LY96: variants seen among roughly 807,000 people sequenced by gnomAD.
The protein encoded by LY96 is myeloid differentiation protein-2.
LY96 carries 18 observed loss-of-function variants against 18.9 expected under a neutral mutation model. That is an observed-to-expected ratio of 0.95 (90% CI 0.66 to 1.41). The LOEUF is 1.41. Ranked by LOEUF, LY96 falls within the 40% of genes most tolerant of loss-of-function variation. The pLI is 0.00. For synonymous variants in LY96, 66 were observed against 62.6 expected, an observed-to-expected ratio of 1.06 and a Z score of -0.26; for missense variants, 175 against 182.4, an observed-to-expected ratio of 0.96 and a Z score of 0.23.
chr8:74,022,338 C>T (rs1816782390), intron 3 of LY96, among the ~76,000 whole-genome samples: 1 of 151,618 alleles, frequency 6.6e-6, no homozygotes, highest in Non-Finnish European at 1.5e-5. Context: ...TGAATGAAGG[C>T]AGAGGTTGCG....
the LY96 span, among the ~76,000 whole-genome samples, chr8:74,048,993 G>A: frequency 6.6e-6 from 1 of 152,218 alleles, no homozygotes; most frequent in Non-Finnish European, 1.5e-5. Context: ...CTTGTGCGTA[G>A]CTGTGTACCT....
chr8:74,081,919 A>G, the LY96 span, among the ~76,000 whole-genome samples: 1,167 of 152,224 alleles, frequency 7.7e-3, 17 homozygotes, highest in African/African-American at 0.027. Flanking sequence ...TACAGGCGTG[A>G]GCCACCGTGC....
the LY96 span, among the ~76,000 whole-genome samples, chr8:74,036,574 A>AT: frequency 6.6e-6 from 1 of 152,232 alleles, no homozygotes; most frequent in South Asian, 2.1e-4. Context: ...CATGAGAATT[A>AT]TTTTTTACAC....
At chr8:74,049,576 A>G in the LY96 span, among the ~76,000 whole-genome samples, 2 of 152,204 alleles carry the variant, frequency 1.3e-5, no homozygotes, top group East Asian at 3.8e-4. Flanking sequence ...GCAAAAAGAA[A>G]AAAGCAAACA....
intron 1 of LY96, among the ~76,000 whole-genome samples, chr8:73,992,957 C>T (rs183403751): frequency 2.0e-4 from 30 of 151,670 alleles, no homozygotes; most frequent in African/African-American, 6.5e-4. Context: ...CAAGTTCAAA[C>T]GATTCCCATG....
At chr8:74,053,604 A>G in the LY96 span, among the ~76,000 whole-genome samples, 1 of 151,582 alleles carries the variant, frequency 6.6e-6, no homozygotes, top group Non-Finnish European at 1.5e-5. Context: ...CTCTATCTTT[A>G]CTCTCATTGC....
rs1373022150 is a variant in LY96 at position 74,001,992 on chromosome 8, CTCCTTTCT to C, written c.113-2790_113-2783del. Among the ~76,000 whole-genome samples, 23 of 77,062 alleles carry C rather than the reference CTCCTTTCT, an allele frequency of 3.0e-4. 1 individual carries two copies. Among genetic ancestry groups the C allele is most frequent in the African/African-American group, 5.1e-4 (11 of 21,388 alleles). 50.6% of individuals were successfully genotyped at this position (77,062 alleles called of 152,430 possible). On this transcript the variant is annotated intron_variant, in intron 1 of 4. Transcript: ENST00000284818. ...CTTCCTTCCTTCCCTCCCTCCCTCC[CTCCTTTCT>C]TCCTTTCTTCCTTCCTTCCTTCCTT... is the stretch of plus-strand genomic sequence containing the variant.
intron 1 of LY96, among the ~76,000 whole-genome samples, chr8:73,993,430 C>G (rs1816052399): frequency 6.6e-6 from 1 of 152,136 alleles, no homozygotes. Context: ...CACATGCCAC[C>G]ACACTTGTCT....
the LY96 span, among the ~76,000 whole-genome samples, chr8:74,073,055 C>A: frequency 1.3e-5 from 2 of 152,098 alleles, no homozygotes; most frequent in African/African-American, 4.8e-5. Context: ...AAAAGACAGA[C>A]GGAAATTAGA....
At chr8:73,992,947 CAA>C (rs1383214841) in intron 1 of LY96, among the ~76,000 whole-genome samples, 1 of 151,674 alleles carries the variant, frequency 6.6e-6, no homozygotes, top group Non-Finnish European at 1.5e-5. Context: ...CTCTGCCTCC[CAA>C]GTTCAAACGA....
At chr8:74,025,442 G>C (rs1008357428) in intron 3 of LY96, among the ~76,000 whole-genome samples, 1 of 151,910 alleles carries the variant, frequency 6.6e-6, no homozygotes, top group Non-Finnish European at 1.5e-5. Context: ...ATCACCTGAG[G>C]TTAGGAGTTC....
chr8:74,050,851 C>T, the LY96 span, among the ~76,000 whole-genome samples: 6 of 152,038 alleles, frequency 3.9e-5, no homozygotes, highest in Admixed American at 2.0e-4. Context: ...GGTGAAATTC[C>T]GTCTCTACTA....
At chr8:74,047,646 C>A in the LY96 span, among the ~76,000 whole-genome samples, 1 of 152,164 alleles carries the variant, frequency 6.6e-6, no homozygotes. Context: ...CCTGGCTTTG[C>A]GTCCTGGCTC....
chr8:74,058,354 A>C, the LY96 span, among the ~76,000 whole-genome samples: 1 of 152,260 alleles, frequency 6.6e-6, no homozygotes, highest in Admixed American at 6.5e-5. Flanking sequence ...TTAAACCTAA[A>C]CTTTCTGCTA....
At chr8:74,025,734 G>A (rs1295457340) in intron 3 of LY96, among the ~76,000 whole-genome samples, 2 of 151,654 alleles carry the variant, frequency 1.3e-5, no homozygotes, top group African/African-American at 2.4e-5. Flanking sequence ...ACAGCTGGGC[G>A]CAGTGGCTCA....
chr8:74,027,676 G>A (rs1816898714), intron 4 of LY96, among the ~76,000 whole-genome samples: 1 of 152,180 alleles, frequency 6.6e-6, no homozygotes, highest in African/African-American at 2.4e-5. Context: ...AGAAGGTCTG[G>A]AAATTATCGC....
the LY96 span, among the ~76,000 whole-genome samples, chr8:74,094,306 C>T: frequency 6.6e-6 from 1 of 151,744 alleles, no homozygotes; most frequent in Non-Finnish European, 1.5e-5. Context: ...TACAACAAAA[C>T]CTCATAAGTT....
chr8:74,047,676 A>G, the LY96 span, among the ~76,000 whole-genome samples: 6 of 152,316 alleles, frequency 3.9e-5, no homozygotes, highest in Admixed American at 6.5e-5. Context: ...TTGTGTGCCT[A>G]GAGCCAGAGT....
chr8:73,995,191 C>A (rs1013880786), intron 1 of LY96, among the ~76,000 whole-genome samples: 3 of 152,192 alleles, frequency 2.0e-5, no homozygotes, highest in African/African-American at 7.2e-5. Context: ...AGCAAGAACG[C>A]CCTTGTCAGA....
Sources: allele counts gnomAD v4.1 joint callset (sites outside exome capture counted in the v4.1 genomes callset), GRCh38; gene constraint gnomAD v4.1.1; transcripts MANE v1.5; gene names NCBI Gene and HGNC (gene_info 2026-07-23, HGNC 2026-07-21).